The following SESN1 variants were observed in gnomAD, a reference collection of about 807,000 sequenced individuals.
The protein encoded by SESN1 is sestrin 1, also known as sestrin-1.
Under a neutral mutation model 59.3 loss-of-function variants are expected in SESN1, and 30 were observed. That is an observed-to-expected ratio of 0.51 (90% CI 0.38 to 0.69). The LOEUF (loss-of-function observed/expected upper bound fraction) is 0.69. Ranked by LOEUF, SESN1 falls within the 30% of genes least tolerant of loss-of-function variation. The pLI is 0.00. For synonymous variants in SESN1, 197 were observed against 219.9 expected (o/e 0.90, Z 0.92); for missense variants, 566 against 673.0 (o/e 0.84, Z 1.76).
chr6:109,036,242 C>T (rs1480631601), intron 1 of SESN1, among the ~76,000 whole-genome samples: 1 of 152,224 alleles, frequency 6.6e-6, no homozygotes. Context: ...AATGTCATTA[C>T]TGCTTCCAGC....
At position 109,009,137 on chromosome 6, in the gene SESN1, G is replaced by T. The variant is rs1048797543; in HGVS notation, c.280-6794C>A. On this transcript the variant is annotated intron_variant, in intron 1 of 9. Transcript: ENST00000436639. The stretch of plus-strand genomic sequence containing the variant: ...TTTCTGCCCAGGGACGACTCACGGT[G>T]CGCAGGTCTCCCACCCACCGCAGGC... 3.3e-4 allele frequency: 229 copies of T among 690,992 alleles called. No individual in the cohort carries two copies. In the African/African-American group the frequency reaches 3.9e-3, roughly 12 times the overall value. 42.8% of individuals were successfully genotyped at this position (690,992 alleles called of 1,614,324 possible).
chr6:109,009,357 A>T (rs1779808455), intron 1 of SESN1: 2 of 1,467,908 alleles, frequency 1.4e-6, no homozygotes, highest in Admixed American at 2.4e-5. Flanking sequence ...TCGCCCAGGT[A>T]CCTCGTCCTG....
chr6:109,054,101 G>A (rs1178242406), intron 1 of SESN1, among the ~76,000 whole-genome samples: 1 of 151,874 alleles, frequency 6.6e-6, no homozygotes, highest in Non-Finnish European at 1.5e-5. Context: ...GGAGGGATCT[G>A]GGAAAAATTC....
At position 109,012,804 on chromosome 6, in the gene SESN1, G is replaced by A. The variant is rs118145437; in HGVS notation, c.280-10461C>T. The stretch of plus-strand genomic sequence containing the variant: ...GGAAAAGAGGGTAAGGAGAGTAACG[G>A]AAGGAGTTTAGGTAAAAGATAAGCA... On this transcript the variant is annotated intron_variant, in intron 1 of 9. Transcript: ENST00000436639. Among the ~76,000 whole-genome samples, 732 of 152,186 alleles carry A rather than the reference G, an allele frequency of 4.8e-3. 3 individuals carry two copies. Among genetic ancestry groups the A allele is most frequent in the Non-Finnish European group, 7.3e-3 (496 of 67,982 alleles).
chr6:109,008,211 T>A (rs555731199), intron 1 of SESN1, among the ~76,000 whole-genome samples: 1 of 152,292 alleles, frequency 6.6e-6, no homozygotes, highest in East Asian at 1.9e-4. Context: ...CACACAAACA[T>A]CAGCAGAAAT....
chr6:109,091,284 T>C (rs1418938502), intron 1 of SESN1, among the ~76,000 whole-genome samples: 1 of 152,206 alleles, frequency 6.6e-6, no homozygotes, highest in African/African-American at 2.4e-5. Context: ...AACAACAGGC[T>C]ATATAACACA....
At chr6:109,088,042 T>C (rs996937879) in intron 1 of SESN1, 3 of 152,090 alleles carry the variant, frequency 2.0e-5, no homozygotes, top group Non-Finnish European at 4.4e-5. Flanking sequence ...TCTTCATCAA[T>C]GACTGGCTTA....
At chr6:109,048,107 A>ATT (rs1780482726) in intron 1 of SESN1, among the ~76,000 whole-genome samples, 1 of 121,694 alleles carries the variant, frequency 8.2e-6, no homozygotes, top group Non-Finnish European at 2.0e-5. Context: ...AATAAATTAA[A>ATT]AAAAAAAAAA....
intron 1 of SESN1, among the ~76,000 whole-genome samples, chr6:109,018,113 T>TA (rs1450816864): frequency 6.6e-6 from 1 of 152,214 alleles, no homozygotes; most frequent in African/African-American, 2.4e-5. Context: ...GCTCTGGACT[T>TA]CCTTGTATAT....
chr6:108,986,557 TCAAA>T lies in SESN1; in HGVS notation c.*983_*986del, dbSNP rs1235786322. The T allele has an allele frequency of 3.1e-4, 48 of 152,688 alleles. No individual in the cohort carries two copies. The highest frequency in any genetic ancestry group is 9.6e-4 in the African/African-American group (40 of 41,470). The allele number at this position is 152,688 out of a possible 1,614,324, so 9.5% of individuals were successfully genotyped here. On this transcript the variant is annotated 3_prime_UTR_variant, in exon 10 of 10. Coordinates refer to ENST00000436639, the MANE Select transcript of SESN1 (RefSeq NM_014454.3). Reference sequence around the variant, plus strand: ...ACATATTTTCAAACCTGTTTGCATTTCAAACAAAGTTAGCGTTTTTGTAAATCAA... The same window carrying T: ...ACATATTTTCAAACCTGTTTGCATTTCAAAGTTAGCGTTTTTGTAAATCAA...
At chr6:109,079,269 G>A (rs928780485) in intron 1 of SESN1, among the ~76,000 whole-genome samples, 12 of 151,158 alleles carry the variant, frequency 7.9e-5, no homozygotes, top group African/African-American at 2.9e-4. Flanking sequence ...AATCATGCAA[G>A]ATACGTTTAA....
Position 108,990,804 on chromosome 6 carries a change from A to G in SESN1, c.1265T>C (p.Leu422Ser). ...DYCWEDHGYS[L>S]VNRLYPDVGQ... ...CACATCTGGATAAAGGCGATTTACC[A>G]AAGAATAACCATGATCTTCCCAGCA... Residue 422 changes from leucine (L) to serine (S), a missense_variant, in exon 8 of 10, where the codon TTG becomes TCG. By Grantham distance (145) the Leu-to-Ser change is moderately radical. Transcript: ENST00000436639. 3.1e-6 allele frequency: 5 copies of G among 1,614,072 alleles called. No homozygotes were observed. Among genetic ancestry groups the G allele is most frequent in the Non-Finnish European group, 3.4e-6 (4 of 1,180,016 alleles).
At chr6:109,089,026 TA>T (rs1260422588) in intron 1 of SESN1, among the ~76,000 whole-genome samples, 1 of 152,036 alleles carries the variant, frequency 6.6e-6, no homozygotes, top group East Asian at 1.9e-4. Context: ...AGAACTGGGG[TA>T]TAAACAAAAG....
intron 1 of SESN1, among the ~76,000 whole-genome samples, chr6:109,027,988 ATTTTATTTCAGTCTGTGGC>A (rs1464022859): frequency 4.3e-4 from 65 of 152,164 alleles, no homozygotes; most frequent in African/African-American, 1.5e-3. Flanking sequence ...TGTGTTATAA[ATTTTATTTCAGTCTGTGGC>A]TTGCCTTTTC....
At chr6:109,078,264 C>T (rs975859573) in intron 1 of SESN1, among the ~76,000 whole-genome samples, 3 of 152,056 alleles carry the variant, frequency 2.0e-5, no homozygotes, top group Non-Finnish European at 4.4e-5. Flanking sequence ...CATCTGTAGT[C>T]CCAGCTACTT....
chr6:109,051,201 T>C (rs1404048220), intron 1 of SESN1, among the ~76,000 whole-genome samples: 1 of 151,914 alleles, frequency 6.6e-6, no homozygotes, highest in Non-Finnish European at 1.5e-5. Context: ...TTCATGATGG[T>C]TTAAAACTTC....
At chr6:109,045,958 G>GA (rs1780424904) in intron 1 of SESN1, among the ~76,000 whole-genome samples, 1 of 152,102 alleles carries the variant, frequency 6.6e-6, no homozygotes, top group Non-Finnish European at 1.5e-5. Context: ...CATATGGGCT[G>GA]AAAAAAGCGT....
At chr6:109,000,891 T>C (rs559203782) in intron 3 of SESN1, among the ~76,000 whole-genome samples, 4 of 152,280 alleles carry the variant, frequency 2.6e-5, no homozygotes, top group Admixed American at 2.6e-4. Context: ...CTGATAAAAG[T>C]ATTTGAACTT....
intron 1 of SESN1, among the ~76,000 whole-genome samples, chr6:109,052,705 A>G (rs935498855): frequency 3.0e-4 from 45 of 152,308 alleles, no homozygotes; most frequent in African/African-American, 1.1e-3. Context: ...CTAGTCATTG[A>G]TATTGAATTT....
Sources: allele counts gnomAD v4.1 joint callset (sites outside exome capture counted in the v4.1 genomes callset), GRCh38; gene constraint gnomAD v4.1.1; transcripts MANE v1.5; gene names NCBI Gene and HGNC (gene_info 2026-07-23, HGNC 2026-07-21).